The following ARID1A variants were observed in gnomAD, a reference collection of about 807,000 sequenced individuals.
The protein encoded by ARID1A is AT-rich interaction domain 1A.
ARID1A carries 20 observed loss-of-function variants against 212.6 expected under a neutral mutation model. The ratio of observed to expected loss-of-function variants is 0.09; its 90% confidence interval spans 0.07 to 0.14. ARID1A has a LOEUF of 0.14. Among genes scored for constraint, ARID1A ranks in the 10% least tolerant of loss-of-function variants. ARID1A has a pLI of 1.00. For synonymous variants in ARID1A, 1,376 were observed against 1,222.1 expected (o/e 1.13, Z -2.63); for missense variants, 2,587 against 3,059.0 (o/e 0.85, Z 3.64).
chr1:26,780,820 G>A lies in ARID1A; in HGVS notation c.*64G>A, dbSNP rs2081185907. Reference sequence around the variant, plus strand: ...TGTGTGGAGAACTTAGAAACTGACTGTTGCCCTTTATTTATGCAAAACCAC... The same window carrying A: ...TGTGTGGAGAACTTAGAAACTGACTATTGCCCTTTATTTATGCAAAACCAC... On this transcript the variant is annotated 3_prime_UTR_variant, in exon 20 of 20. Coordinates refer to ENST00000324856, the MANE Select transcript of ARID1A (RefSeq NM_006015.6). The surrounding 1 kb of genome is among the most constrained non-coding windows in gnomAD (Gnocchi z 7.2). 2.0e-6 allele frequency: 3 copies of A among 1,505,204 alleles called. No homozygotes were observed. Among genetic ancestry groups the A allele is most frequent in the East Asian group, 2.3e-5 (1 of 43,826 alleles). 93.2% of individuals were successfully genotyped at this position (1,505,204 alleles called of 1,614,324 possible).
rs1187937381 is a variant in ARID1A, at chr1:26,697,090, C to T, written c.687C>T (p.Tyr229=). 2 of 1,481,298 alleles carry T rather than the reference C, an allele frequency of 1.4e-6. No individual in the cohort carries two copies. Among genetic ancestry groups the T allele is most frequent in the Non-Finnish European group, 1.8e-6 (2 of 1,120,522 alleles). The allele number at this position is 1,481,298 out of a possible 1,614,324, so 91.8% of individuals were successfully genotyped here. A position where few individuals can be genotyped will look rare whatever the true frequency, so the allele number is the denominator to read the frequency against. The change falls in exon 1 of 20, where the codon TAC becomes TAT. Residue 229 remains tyrosine (Y), a synonymous_variant. Transcript: ENST00000324856. ...RSAYPPPAPA[Y]ALSSPRGGTP... is the part of the protein sequence containing the mutation. ...CCTACCCCCCGCCCGCCCCGGCCTACGCGCTGAGCTCCCCGAGAGGTGGCA... is the reference window on the plus strand; with the variant it reads ...CCTACCCCCCGCCCGCCCCGGCCTATGCGCTGAGCTCCCCGAGAGGTGGCA...
chr1:26,700,935 C>G (rs1341751196), intron 1 of ARID1A, among the ~76,000 whole-genome samples: 2 of 152,188 alleles, frequency 1.3e-5, no homozygotes, highest in Non-Finnish European at 2.9e-5. Flanking sequence ...ACAGAGAAAG[C>G]AGCCAGGACC....
At chr1:26,758,876 A>G (rs2080965195) in intron 4 of ARID1A, among the ~76,000 whole-genome samples, 1 of 152,202 alleles carries the variant, frequency 6.6e-6, no homozygotes, top group African/African-American at 2.4e-5. Flanking sequence ...CTCAGCTAAC[A>G]TGGAAAGCTG....
chr1:26,703,732 A>G (rs2080360870), intron 1 of ARID1A, among the ~76,000 whole-genome samples: 1 of 152,258 alleles, frequency 6.6e-6, no homozygotes, highest in South Asian at 2.1e-4. Context: ...TAAGTCAGAG[A>G]GATCAGGAAA....
At chr1:26,716,867 C>G (rs1570562044) in intron 1 of ARID1A, among the ~76,000 whole-genome samples, 1 of 152,124 alleles carries the variant, frequency 6.6e-6, no homozygotes, top group South Asian at 2.1e-4. Context: ...CTCAGGTGAT[C>G]TGCCTGCCTC....
chr1:26,710,158 G>A (rs1483054966), intron 1 of ARID1A, among the ~76,000 whole-genome samples: 2 of 146,704 alleles, frequency 1.4e-5, no homozygotes, highest in East Asian at 2.2e-4. Flanking sequence ...CACACAGGCC[G>A]GGTGCGGTGG....
intron 10 of ARID1A, among the ~76,000 whole-genome samples, chr1:26,766,850 C>T (rs994791157): frequency 2.6e-5 from 4 of 152,196 alleles, no homozygotes; most frequent in African/African-American, 9.7e-5. Flanking sequence ...ACTCTCTGTA[C>T]TGTTTGGCTG....
In ARID1A at chr1:26,696,746, A is replaced by G; in HGVS notation, c.343A>G (p.Asn115Asp). ...GNAGPRPALN[N>D]NLTEPPGGGG... ...CGCGGGCCCTAGGCCCGCCCTGAAC[A>G]ATAACCTCACGGAGCCGCCCGGCGG... The change falls in exon 1 of 20, where the codon AAT (asparagine) becomes GAT (aspartate). Residue 115 changes from asparagine (N) to aspartate (D), a missense_variant. Around this residue, in one of 11 missense-constraint regions of ARID1A, gnomAD observed 735 missense variants for 590.6 expected, o/e 1.24. Transcript: ENST00000324856. The G allele has an allele frequency of 7.3e-7, 1 of 1,367,820 alleles. No individual in the cohort carries two copies. 84.7% of individuals were successfully genotyped at this position (1,367,820 alleles called of 1,614,324 possible).
intron 1 of ARID1A, among the ~76,000 whole-genome samples, chr1:26,699,201 G>A (rs1239036341): frequency 6.6e-6 from 1 of 152,150 alleles, no homozygotes; most frequent in African/African-American, 2.4e-5. Context: ...AAGATATGAA[G>A]ATACGACCTA....
rs368865620 is a variant in ARID1A at position 26,773,805 on chromosome 1, T to C, written c.4008T>C (p.His1336=). The C allele has an allele frequency of 8.1e-6, 13 of 1,614,090 alleles. No homozygotes were observed. The highest frequency in any genetic ancestry group is 1.1e-5 in the Non-Finnish European group (13 of 1,180,028). Residue 1336 remains histidine (H), a synonymous_variant, in exon 17 of 20, where the codon CAT becomes CAC. Coordinates refer to ENST00000324856, the MANE Select transcript of ARID1A (RefSeq NM_006015.6). The stretch of plus-strand genomic sequence containing the variant: ...TGTGTTTCTTTGCCTCCTATAGACA[T>C]GATTCCTATGGCAATCAGTTCTCCA... ...PQQQQQQQQR[H]DSYGNQFSTQ... is the part of the protein sequence containing the mutation.
intron 4 of ARID1A, among the ~76,000 whole-genome samples, chr1:26,759,351 C>T (rs2080969956): frequency 6.6e-6 from 1 of 151,994 alleles, no homozygotes; most frequent in Non-Finnish European, 1.5e-5. Context: ...TACAGCTGCA[C>T]ACCACCACAC....
intron 1 of ARID1A, among the ~76,000 whole-genome samples, chr1:26,726,798 CAGTT>C (rs1282912113): frequency 6.6e-6 from 1 of 152,232 alleles, no homozygotes; most frequent in African/African-American, 2.4e-5. Context: ...GAAATGCAAT[CAGTT>C]AGTTGGAATA....
At chr1:26,759,205 T>G (rs146714601) in intron 4 of ARID1A, among the ~76,000 whole-genome samples, 14 of 152,116 alleles carry the variant, frequency 9.2e-5, no homozygotes, top group African/African-American at 2.4e-4. Flanking sequence ...TTTTGTGTGT[T>G]TGTTTGTTTG....
chr1:26,726,529 C>T (rs903369645), intron 1 of ARID1A, among the ~76,000 whole-genome samples: 2 of 152,174 alleles, frequency 1.3e-5, no homozygotes, highest in Non-Finnish European at 2.9e-5. Context: ...CCTTCTTTCT[C>T]ATCTTTCACT....
chr1:26,704,257 C>G (rs1231286227), intron 1 of ARID1A, among the ~76,000 whole-genome samples: 2 of 152,096 alleles, frequency 1.3e-5, no homozygotes, highest in East Asian at 3.9e-4. Context: ...TTGGCTAGTT[C>G]AGGGGCACTT....
At chr1:26,739,053 A>AT (rs1325237126) in intron 4 of ARID1A, among the ~76,000 whole-genome samples, 2 of 147,504 alleles carry the variant, frequency 1.4e-5, no homozygotes, top group Non-Finnish European at 3.0e-5. Flanking sequence ...CGCCTGGCTA[A>AT]TTTTTTTGTA....
chr1:26,774,030 C>A lies in ARID1A; in HGVS notation c.4101+132C>A. The A allele has an allele frequency of 2.4e-6, 3 of 1,243,842 alleles. No homozygotes were observed. Among genetic ancestry groups the A allele is most frequent in the Non-Finnish European group, 3.4e-6 (3 of 885,324 alleles). The allele number at this position is 1,243,842 out of a possible 1,614,324, so 77.1% of individuals were successfully genotyped here. A position where few individuals can be genotyped will look rare whatever the true frequency, so the allele number is the denominator to read the frequency against. On this transcript the variant is annotated intron_variant, in intron 17 of 19. Transcript: ENST00000324856. The surrounding 1 kb of genome is among the most constrained non-coding windows in gnomAD (Gnocchi z 5.6). ...GGCATTCTTCTCTCACCTGACTGGC[C>A]AGTCCTGCCTGAAGAGCCACGTCCT... is the stretch of plus-strand genomic sequence containing the variant.
intron 4 of ARID1A, among the ~76,000 whole-genome samples, chr1:26,758,744 A>G (rs1427950387): frequency 6.6e-6 from 1 of 152,116 alleles, no homozygotes; most frequent in African/African-American, 2.4e-5. Context: ...CTTTGCTGTT[A>G]CCTTGTGGTT....
chr1:26,762,289 G>T lies in ARID1A; in HGVS notation c.2389G>T (p.Gly797Cys), dbSNP rs1284809501. 1.2e-6 allele frequency: 2 copies of T among 1,614,142 alleles called. No homozygotes were observed. The highest frequency in any genetic ancestry group is 1.7e-6 in the Non-Finnish European group (2 of 1,180,022). The change falls in exon 7 of 20, where the codon GGT (glycine) becomes TGT (cysteine). Residue 797 changes from glycine (G) to cysteine (C), a missense_variant. Gly to Cys is a radical substitution (Grantham distance 159). Around this residue, in one of 11 missense-constraint regions of ARID1A, gnomAD observed 674 missense variants for 813.4 expected, o/e 0.83. Transcript: ENST00000324856. The part of the protein sequence containing the change: ...SYQQNSMGSY[G>C]PQGGQYGPQG... ...CCAGCAGAACTCCATGGGGAGCTAT[G>T]GTCCCCAGGGGGGTCAGTATGGCCC...
Sources: gnomAD v4.1 joint callset for allele counts (sites outside exome capture counted in the v4.1 genomes callset) on GRCh38, gnomAD v4.1.1 for gene constraint, gnomAD v4.1.1 regional missense constraint, Gnocchi (gnomAD v3.1) non-coding constraint, MANE v1.5 for transcripts, NCBI Gene and HGNC (gene_info 2026-07-23, HGNC 2026-07-21) for gene names.